Variants in ABCC2 observed in about 807,000 individuals in gnomAD.
ABCC2 encodes the protein ATP-binding cassette sub-family C member 2.
A neutral mutation model predicts 173.4 loss-of-function variants in ABCC2; 157 were observed. The ratio of observed to expected loss-of-function variants is 0.91; its 90% CI spans 0.80 to 1.03. The LOEUF (loss-of-function observed/expected upper bound fraction) is 1.03. ABCC2 is among the 50% of genes least tolerant of loss of function. ABCC2 has a pLI of 0.00. For synonymous variants in ABCC2, 657 were observed against 693.5 expected (o/e 0.95, Z 0.83); for missense variants, 1,822 against 1,852.3 (o/e 0.98, Z 0.30).
At chr10:99,790,566 C>A (rs562351383) in intron 2 of ABCC2, among the ~76,000 whole-genome samples, 1 of 152,222 alleles carries the variant, frequency 6.6e-6, no homozygotes, top group East Asian at 1.9e-4. Flanking sequence ...GGTTAGTACC[C>A]TCTAGTCATC....
Position 99,851,727 on chromosome 10 carries a change from A to T in ABCC2, c.*96A>T. ...CAGAATACATACAAAAGTGTGTATA[A>T]AATGTACGTTTTAAAAAAGGATAAG... On this transcript the variant is annotated 3_prime_UTR_variant, in exon 32 of 32. Coordinates refer to ENST00000647814, the MANE Select transcript of ABCC2 (RefSeq NM_000392.5). The T allele has an allele frequency of 1.6e-6, 2 of 1,249,038 alleles. No individual in the cohort carries two copies. Among genetic ancestry groups the T allele is most frequent in the East Asian group, 2.6e-5 (1 of 38,520 alleles). 77.4% of individuals were successfully genotyped at this position (1,249,038 alleles called of 1,614,324 possible).
At chr10:99,783,001 A>C in intron 1 of ABCC2, 124 bp downstream of exon 1, 13 of 898,120 alleles carry the variant, frequency 1.4e-5, no homozygotes, top group Non-Finnish European at 2.3e-5. Flanking sequence ...TCTAAAGCTC[A>C]GGCTTTTTAG....
At chr10:99,784,177 C>T (rs2037666082) in intron 1 of ABCC2, among the ~76,000 whole-genome samples, 1 of 152,086 alleles carries the variant, frequency 6.6e-6, no homozygotes, top group African/African-American at 2.4e-5. Context: ...TATGACTAAG[C>T]ATTCTCCCTG....
intron 13 of ABCC2, among the ~76,000 whole-genome samples, 168 bp downstream of exon 13, chr10:99,808,397 T>C (rs2038151036): frequency 6.6e-6 from 1 of 152,154 alleles, no homozygotes; most frequent in African/African-American, 2.4e-5. Flanking sequence ...ATCATGAGTT[T>C]TCTGAGCCCC....
At chr10:99,807,654 T>A in intron 12 of ABCC2, 133 bp downstream of exon 12, 1 of 1,294,814 alleles carries the variant, frequency 7.7e-7, no homozygotes, top group Non-Finnish European at 1.1e-6. Flanking sequence ...CTTGTCCCTC[T>A]CACCGCCCCA....
In ABCC2 at chr10:99,850,854, A is replaced by G. The variant is rs1590196027; in HGVS notation, c.4508+58A>G. 4 of 1,590,630 alleles carry G rather than the reference A, an allele frequency of 2.5e-6. No homozygotes were observed. The East Asian group carries it at 6.7e-5, about 27-fold the overall frequency. The stretch of plus-strand genomic sequence containing the variant: ...GGCTTAACCCTTGCTCAACAGTAAC[A>G]GTGTCAGCCGGGAAACACCTGATGG... On this transcript the variant is annotated intron_variant, in intron 31 of 31. Coordinates refer to ENST00000647814, the MANE Select transcript of ABCC2 (RefSeq NM_000392.5).
chr10:99,844,653 A>C (rs1260213556), intron 28 of ABCC2, among the ~76,000 whole-genome samples, 188 bp downstream of exon 28: 1 of 152,232 alleles, frequency 6.6e-6, no homozygotes, highest in Non-Finnish European at 1.5e-5. Flanking sequence ...GGGATCACAC[A>C]GACTTACCGC....
chr10:99,840,945 C>T (rs2038933208), intron 25 of ABCC2, among the ~76,000 whole-genome samples: 2 of 151,956 alleles, frequency 1.3e-5, no homozygotes, highest in African/African-American at 4.8e-5. Context: ...CTAGGGGCTC[C>T]AGGCATCCTG....
At chr10:99,820,686 G>A (rs1375596677) in intron 19 of ABCC2, among the ~76,000 whole-genome samples, 2 of 152,088 alleles carry the variant, frequency 1.3e-5, no homozygotes, top group African/African-American at 4.8e-5. Context: ...TAGGTGACAG[G>A]AATTGGGAGC....
intron 11 of ABCC2, among the ~76,000 whole-genome samples, chr10:99,806,401 G>A (rs558476239): frequency 2.6e-5 from 4 of 152,274 alleles, no homozygotes; most frequent in African/African-American, 4.8e-5. Flanking sequence ...TTTGAAGTTT[G>A]TAAAACCCAC....
At chr10:99,806,770 G>A (rs2038114431) in intron 11 of ABCC2, among the ~76,000 whole-genome samples, 1 of 152,122 alleles carries the variant, frequency 6.6e-6, no homozygotes, top group South Asian at 2.1e-4. Context: ...ATCCTCCAGA[G>A]GTGACCAATA....
At chr10:99,818,171 T>A (rs2038455761) in intron 17 of ABCC2, among the ~76,000 whole-genome samples, 1 of 151,286 alleles carries the variant, frequency 6.6e-6, no homozygotes, top group African/African-American at 2.4e-5. Context: ...TGCAGTGAGC[T>A]GAGATTGCGC....
chr10:99,783,262 A>G (rs2132937817), intron 1 of ABCC2, among the ~76,000 whole-genome samples: 1 of 152,346 alleles, frequency 6.6e-6, no homozygotes, highest in African/African-American at 2.4e-5. Flanking sequence ...TGATGTTGAA[A>G]TGATAATGAT....
chr10:99,798,645 G>A (rs556153764), intron 7 of ABCC2, among the ~76,000 whole-genome samples: 28 of 152,170 alleles, frequency 1.8e-4, no homozygotes, highest in African/African-American at 6.7e-4. Flanking sequence ...ACCATCACAG[G>A]ACCATCTTCT....
In ABCC2 at chr10:99,851,855, C is replaced by A. The variant is rs922430806; in HGVS notation, c.*224C>A. The A allele has an allele frequency of 2.2e-6, 1 of 448,276 alleles. No individual in the cohort carries two copies. Among genetic ancestry groups the A allele is most frequent in the Non-Finnish European group, 3.9e-6 (1 of 256,084 alleles). 27.8% of individuals were successfully genotyped at this position (448,276 alleles called of 1,614,324 possible). A position where few individuals can be genotyped will look rare whatever the true frequency, so the allele number is the denominator to read the frequency against. On this transcript the variant is annotated 3_prime_UTR_variant, in exon 32 of 32. Coordinates refer to ENST00000647814, the MANE Select transcript of ABCC2 (RefSeq NM_000392.5). ...CTCGATCGTACTTCCTTGCTACCCA[C>A]CCCTCCCAGGGACAACCACTGTCCT...
chr10:99,793,671 C>T lies in ABCC2; in HGVS notation c.454C>T (p.Arg152Trp), dbSNP rs146452937. Residue 152 changes from arginine to tryptophan, a missense_variant, in exon 4 of 32, where the codon CGG becomes TGG. Physicochemically the swap from Arg to Trp is moderately radical, Grantham distance 101 (BLOSUM62 -3). Transcript: ENST00000647814. ...CACTTTCCAATTTCAGACTCTGATC[C>T]GGACACTCTTACAGGTAAGGAAAAA... Reference protein sequence around the residue: ...CGTFQFQTLIRTLLQGDNSNL... With the variant: ...CGTFQFQTLIWTLLQGDNSNL... 6.2e-5 allele frequency: 100 copies of T among 1,613,970 alleles called. No homozygotes were observed. Among genetic ancestry groups the T allele is most frequent in the Middle Eastern group, 3.3e-4 (2 of 6,062 alleles).
intron 5 of ABCC2, among the ~76,000 whole-genome samples, 163 bp from the exon 6 acceptor site, chr10:99,794,250 G>T (rs1236536115): frequency 6.6e-6 from 1 of 152,052 alleles, no homozygotes; most frequent in African/African-American, 2.4e-5. Flanking sequence ...TCTACTAGTG[G>T]CTTTAGGGTC....
At chr10:99,804,481 T>G (rs753957611) in intron 10 of ABCC2, among the ~76,000 whole-genome samples, 1 of 152,122 alleles carries the variant, frequency 6.6e-6, no homozygotes, top group Non-Finnish European at 1.5e-5. Flanking sequence ...GCATTCATGT[T>G]AGAGGGAAGA....
At chr10:99,783,451 T>C (rs2037650705) in intron 1 of ABCC2, among the ~76,000 whole-genome samples, 1 of 152,064 alleles carries the variant, frequency 6.6e-6, no homozygotes, top group African/African-American at 2.4e-5. Flanking sequence ...TACGGAGTCA[T>C]AGATAGCAAA....
Sources: gnomAD v4.1 joint callset for allele counts (sites outside exome capture counted in the v4.1 genomes callset) on GRCh38, gnomAD v4.1.1 for gene constraint, MANE v1.5 for transcripts, NCBI Gene and HGNC (gene_info 2026-07-23, HGNC 2026-07-21) for gene names.